Variants in COL5A2 observed in about 807,000 individuals in gnomAD.
COL5A2 encodes collagen type V alpha 2 chain.
Under a neutral mutation model 208.2 loss-of-function variants are expected in COL5A2, and 23 were observed. The observed-to-expected ratio is 0.11, with a 90% CI of 0.08 to 0.16. The LOEUF (loss-of-function observed/expected upper bound fraction) is 0.16. Among genes scored for constraint, COL5A2 ranks in the 10% least tolerant of loss-of-function variants. COL5A2 has a pLI of 1.00. For missense variants in COL5A2, 1,590 were observed against 1,956.4 expected, an observed-to-expected ratio of 0.81 and a Z score of 3.53; for synonymous variants, 625 against 628.5, an observed-to-expected ratio of 0.99 and a Z score of 0.08.
At chr2:189,219,926 AT>A (rs1187741913) in intron 1 of COL5A2, among the ~76,000 whole-genome samples, 2 of 152,018 alleles carry the variant, frequency 1.3e-5, no homozygotes, top group African/African-American at 4.8e-5. Flanking sequence ...CCATACTGTC[AT>A]CGTGAAATTC....
At chr2:189,388,159 A>G in the COL5A2 span, among the ~76,000 whole-genome samples, 1 of 152,202 alleles carries the variant, frequency 6.6e-6, no homozygotes, top group Non-Finnish European at 1.5e-5. Context: ...TGTTCTAGGC[A>G]TAAGAACACA....
chr2:189,391,745 T>C, the COL5A2 span, among the ~76,000 whole-genome samples: 83 of 152,202 alleles, frequency 5.5e-4, 1 homozygote, highest in Middle Eastern at 0.01. Flanking sequence ...TTCTGAAATG[T>C]AAAAAGAAAA....
At chr2:189,056,787 T>C (rs1378145001) in intron 35 of COL5A2, 186 bp downstream of exon 35, 1 of 657,020 alleles carries the variant, frequency 1.5e-6, no homozygotes, top group East Asian at 2.6e-5. Context: ...TTAAGTTTCA[T>C]TTAATTCAGG....
Position 189,039,252 on chromosome 2 carries a change from A to G in COL5A2, c.3925+20T>C. ...ATCAGAAACAACGGGTTTTGCTCAAATGGGCTGCTGTCTACTCACCACTCT... is the reference window on the plus strand; with the variant it reads ...ATCAGAAACAACGGGTTTTGCTCAAGTGGGCTGCTGTCTACTCACCACTCT... On this transcript the variant is annotated intron_variant, in intron 51 of 53. Coordinates refer to ENST00000374866, the MANE Select transcript of COL5A2 (RefSeq NM_000393.5). The G allele has an allele frequency of 6.2e-7, 1 of 1,613,340 alleles. No homozygotes were observed. Among genetic ancestry groups the G allele is most frequent in the Non-Finnish European group, 8.5e-7 (1 of 1,179,866 alleles).
At chr2:189,171,536 G>A (rs1245786436) in intron 1 of COL5A2, among the ~76,000 whole-genome samples, 2 of 152,138 alleles carry the variant, frequency 1.3e-5, no homozygotes, top group African/African-American at 4.8e-5. Context: ...CTTAGTGAAC[G>A]ATTGGAATTG....
chr2:189,403,857 C>G, the COL5A2 span, among the ~76,000 whole-genome samples: 1 of 152,086 alleles, frequency 6.6e-6, no homozygotes, highest in African/African-American at 2.4e-5. Context: ...CTCAGCCTCC[C>G]GAGTAGCTGG....
At chr2:189,394,043 G>C in the COL5A2 span, among the ~76,000 whole-genome samples, 7 of 152,176 alleles carry the variant, frequency 4.6e-5, no homozygotes, top group Non-Finnish European at 1.0e-4. Context: ...GCCTCACCTT[G>C]AGCATACCTC....
intron 11 of COL5A2, among the ~76,000 whole-genome samples, 177 bp from the exon 12 acceptor site, chr2:189,084,214 T>C (rs994000472): frequency 1.3e-5 from 2 of 152,222 alleles, no homozygotes; most frequent in African/African-American, 4.8e-5. Flanking sequence ...ATATTCCTGA[T>C]AGTACTCCAT....
At chr2:189,328,753 A>G in the COL5A2 span, among the ~76,000 whole-genome samples, 1 of 152,170 alleles carries the variant, frequency 6.6e-6, no homozygotes, top group Non-Finnish European at 1.5e-5. Context: ...GTTGGTCATC[A>G]TGGAAGACAG....
At chr2:189,099,754 G>T (rs1217859310) in intron 4 of COL5A2, among the ~76,000 whole-genome samples, 2 of 152,162 alleles carry the variant, frequency 1.3e-5, no homozygotes, top group Admixed American at 1.3e-4. Context: ...ATGCAACAGG[G>T]AATTTTGCTC....
chr2:189,123,610 G>C (rs1012653390), intron 1 of COL5A2, among the ~76,000 whole-genome samples: 1 of 152,132 alleles, frequency 6.6e-6, no homozygotes, highest in Non-Finnish European at 1.5e-5. Context: ...TAACACAGGT[G>C]TATGGTCTAG....
At chr2:189,291,371 C>T in the COL5A2 span, among the ~76,000 whole-genome samples, 1 of 152,024 alleles carries the variant, frequency 6.6e-6, no homozygotes, top group African/African-American at 2.4e-5. Context: ...AACAGAAAAC[C>T]ATTTTGCTAC....
chr2:189,437,087 A>C, the COL5A2 span, among the ~76,000 whole-genome samples: 1 of 152,206 alleles, frequency 6.6e-6, no homozygotes, highest in Non-Finnish European at 1.5e-5. Context: ...ACTGTGTTCC[A>C]AGATCAGCGC....
chr2:189,260,619 A>C, the COL5A2 span, among the ~76,000 whole-genome samples: 1 of 152,230 alleles, frequency 6.6e-6, no homozygotes, highest in African/African-American at 2.4e-5. Context: ...CACCACAGAC[A>C]AAAATAAAGT....
the COL5A2 span, among the ~76,000 whole-genome samples, chr2:189,398,287 TTA>T: frequency 3.3e-5 from 5 of 152,156 alleles, no homozygotes; most frequent in African/African-American, 4.8e-5. Context: ...AAATACATAT[TTA>T]TATGTTAGAT....
intron 3 of COL5A2, among the ~76,000 whole-genome samples, chr2:189,102,392 A>G (rs912026556): frequency 2.6e-5 from 4 of 152,100 alleles, no homozygotes; most frequent in African/African-American, 9.7e-5. Context: ...TAAGTTTCTA[A>G]TAATAAATTC....
the COL5A2 span, among the ~76,000 whole-genome samples, chr2:189,388,770 CA>C: frequency 2.6e-5 from 4 of 152,122 alleles, no homozygotes; most frequent in Non-Finnish European, 5.9e-5. Context: ...TAATGCTGAT[CA>C]GAGACAAGTG....
In COL5A2 at chr2:189,034,120, C is replaced by T. The variant is rs147420365; in HGVS notation, c.4450G>A (p.Gly1484Ser). ...IIDLAPVDVG[G>S]TDQEFGVEIG... ...TCAACGCCGAATTCCTGGTCTGTGC[C>T]GCCAACATCCACAGGAGCAAGATCT... is the stretch of plus-strand genomic sequence containing the variant. The change falls in exon 54 of 54, where the codon GGC (glycine) becomes AGC (serine). Residue 1484 changes from glycine (G) to serine (S), a missense_variant. Transcript: ENST00000374866. 700 of 1,613,974 alleles carry T rather than the reference C, an allele frequency of 4.3e-4. No individual in the cohort carries two copies. The highest frequency in any genetic ancestry group is 5.3e-4 in the Non-Finnish European group (630 of 1,179,928).
intron 1 of COL5A2, among the ~76,000 whole-genome samples, chr2:189,173,080 C>T (rs1289744396): frequency 6.7e-6 from 1 of 150,074 alleles, no homozygotes; most frequent in Non-Finnish European, 1.5e-5. Flanking sequence ...AAGCGATTCT[C>T]CTGCCTCAGC....
Sources: allele counts gnomAD v4.1 joint callset (sites outside exome capture counted in the v4.1 genomes callset), GRCh38; gene constraint gnomAD v4.1.1; transcripts MANE v1.5; gene names NCBI Gene and HGNC (gene_info 2026-07-23, HGNC 2026-07-21).